The following BSPRY variants were observed in gnomAD, a reference collection of about 807,000 sequenced individuals.
BSPRY encodes B-box and SPRY domain containing.
Under a neutral mutation model 38.0 loss-of-function variants are expected in BSPRY, and 33 were observed. The ratio of observed to expected loss-of-function variants is 0.87; its 90% CI spans 0.66 to 1.16. The LOEUF is 1.16. Among genes scored for constraint, BSPRY ranks in the 50% most tolerant of loss-of-function variants. The probability of loss-of-function intolerance (pLI) is 0.00; values close to 1 mark genes in which losing one functional copy is unlikely to be tolerated. For missense variants in BSPRY, 523 were observed against 533.2 expected, an observed-to-expected ratio of 0.98 and a Z score of 0.19; for synonymous variants, 224 against 228.5, an observed-to-expected ratio of 0.98 and a Z score of 0.18.
In BSPRY at chr9:113,360,731, G is replaced by A. The variant is rs746643209; in HGVS notation, c.525G>A (p.Gln175=). 8 of 1,584,076 alleles carry A rather than the reference G, an allele frequency of 5.1e-6. No homozygotes were observed. The African/African-American group carries it at 9.4e-5, about 19-fold the overall frequency. Residue 175 remains glutamine, a synonymous_variant, in exon 3 of 6, where the codon CAG becomes CAA. Transcript: ENST00000374183. The stretch of plus-strand genomic sequence containing the variant: ...TGCTTACTCACCTGGATGACCTCCA[G>A]CTGATTGTAAGTCAGGCAAGGGTGA... ...VGMLTHLDDL[Q]LIQKEQEIFE... is the part of the protein sequence containing the mutation.
chr9:113,357,223 G>T (rs1834075369), intron 2 of BSPRY, among the ~76,000 whole-genome samples: 1 of 152,282 alleles, frequency 6.6e-6, no homozygotes, highest in Non-Finnish European at 1.5e-5. Flanking sequence ...GGAGGTGGGA[G>T]AGATCACTGC....
chr9:113,355,389 T>G (rs1834041320), intron 2 of BSPRY, among the ~76,000 whole-genome samples: 1 of 152,150 alleles, frequency 6.6e-6, no homozygotes, highest in African/African-American at 2.4e-5. Context: ...GACAGGACAC[T>G]AGGGGTCCTC....
chr9:113,357,912 A>G (rs1463074836), intron 2 of BSPRY, among the ~76,000 whole-genome samples: 5,950 of 29,400 alleles, frequency 0.2, 875 homozygotes, highest in African/African-American at 0.43. Context: ...ATATATATAT[A>G]TATATATATA....
In BSPRY at chr9:113,349,741, C is replaced by A; in HGVS notation, c.162C>A (p.His54Gln). 15 of 1,238,582 alleles carry A rather than the reference C, an allele frequency of 1.2e-5. No homozygotes were observed. The highest frequency in any genetic ancestry group is 1.5e-5 in the Non-Finnish European group (15 of 992,918). The allele number at this position is 1,238,582 out of a possible 1,614,324, so 76.7% of individuals were successfully genotyped here. A position where few individuals can be genotyped will look rare whatever the true frequency, so the allele number is the denominator to read the frequency against. The change falls in exon 1 of 6, where the codon CAC becomes CAA. Residue 54 changes from histidine to glutamine, a missense_variant. Transcript: ENST00000374183. Reference protein sequence around the residue: ...CAGLGGRCRGHRIRRAEERAE... With the variant: ...CAGLGGRCRGQRIRRAEERAE... ...GGTTGGGCGGTCGCTGCCGGGGGCA[C>A]CGCATCCGCCGGGCGGAGGAGCGCG...
In BSPRY at chr9:113,368,270, C is replaced by T; in HGVS notation, c.569C>T (p.Ala190Val). Reference protein sequence around the residue: ...EQEIFERTEEAEGILDPQESE... With the variant: ...EQEIFERTEEVEGILDPQESE... ...TTTCCCCATATAAGGACCGAAGAAG[C>T]AGAGGGCATTTTGGATCCCCAGGAG... Residue 190 changes from alanine (A) to valine (V), a missense_variant, in exon 5 of 6, where the codon GCA (alanine) becomes GTA (valine). Coordinates refer to ENST00000374183, the MANE Select transcript of BSPRY (RefSeq NM_017688.3). The T allele has an allele frequency of 6.2e-7, 1 of 1,614,096 alleles. No homozygotes were observed.
chr9:113,362,822 T>C (rs954181991), intron 4 of BSPRY, among the ~76,000 whole-genome samples: 2 of 152,230 alleles, frequency 1.3e-5, no homozygotes, highest in Non-Finnish European at 2.9e-5. Flanking sequence ...TGGAGGAATC[T>C]TTGAAACTTA....
At chr9:113,350,696 G>A (rs1413475930) in intron 1 of BSPRY, among the ~76,000 whole-genome samples, 1 of 152,142 alleles carries the variant, frequency 6.6e-6, no homozygotes, top group African/African-American at 2.4e-5. Flanking sequence ...TACCCAGAGT[G>A]ACCTGTAATA....
rs1336474664 is a variant in BSPRY, at chr9:113,354,272, G to C, written c.234G>C (p.Gln78His). The C allele has an allele frequency of 6.2e-7, 1 of 1,614,202 alleles. No individual in the cohort carries two copies. Among genetic ancestry groups the C allele is most frequent in the African/African-American group, 1.3e-5 (1 of 75,046 alleles). The change falls in exon 2 of 6, where the codon CAG (glutamine) becomes CAC (histidine). Residue 78 changes from glutamine (Q) to histidine (H), a missense_variant. Transcript: ENST00000374183. Reference sequence around the variant, plus strand: ...TTGTGGACCAGTGTGAGAGGCTGCAGTTACAGAGTGCTGCCATCACCAAGT... The same window carrying C: ...TTGTGGACCAGTGTGAGAGGCTGCACTTACAGAGTGCTGCCATCACCAAGT... ...NKIVDQCERL[Q>H]LQSAAITKYV...
chr9:113,362,519 T>C lies in BSPRY; in HGVS notation c.557+125T>C, dbSNP rs1012765635. ...AGGGTGTGCAGCTGAGTGGCTTTTC[T>C]GGAGCCTGGCTCTGTGGACAGGGAA... is the stretch of plus-strand genomic sequence containing the variant. On this transcript the variant is annotated intron_variant, in intron 4 of 5. Coordinates refer to ENST00000374183, the MANE Select transcript of BSPRY (RefSeq NM_017688.3). 4 of 998,734 alleles carry C rather than the reference T, an allele frequency of 4.0e-6. No individual in the cohort carries two copies. The African/African-American group carries it at 4.8e-5, about 12-fold the overall frequency. 61.9% of individuals were successfully genotyped at this position (998,734 alleles called of 1,614,324 possible). A position where few individuals can be genotyped will look rare whatever the true frequency, so the allele number is the denominator to read the frequency against.
chr9:113,352,106 C>T (rs1319933356), intron 1 of BSPRY, among the ~76,000 whole-genome samples: 7 of 152,270 alleles, frequency 4.6e-5, no homozygotes, highest in Admixed American at 2.0e-4. Flanking sequence ...CCACCGTGCC[C>T]GGCCAGCTTT....
chr9:113,358,018 C>A (rs1821386992), intron 2 of BSPRY, among the ~76,000 whole-genome samples: 1 of 146,662 alleles, frequency 6.8e-6, no homozygotes, highest in African/African-American at 2.5e-5. Flanking sequence ...AGGCCAAGGC[C>A]AGGAGGATCA....
Position 113,370,069 on chromosome 9 carries a change from A to C in BSPRY, c.1136A>C (p.His379Pro). ...EPASGTVLCA[H>P]HVSFPGPLFP... ...GCCTCCGGCACAGTGCTCTGTGCCCATCATGTGTCCTTCCCGGGGCCCCTC... is the reference window on the plus strand; with the variant it reads ...GCCTCCGGCACAGTGCTCTGTGCCCCTCATGTGTCCTTCCCGGGGCCCCTC... Residue 379 changes from histidine (H) to proline (P), a missense_variant, in exon 6 of 6, where the codon CAT becomes CCT. Transcript: ENST00000374183. This position sits in a 1 kb window ranked among gnomAD's most constrained non-coding sequence, Gnocchi z 4.8. The C allele has an allele frequency of 6.2e-7, 1 of 1,612,940 alleles. No individual in the cohort carries two copies. The highest frequency in any genetic ancestry group is 8.5e-7 in the Non-Finnish European group (1 of 1,179,524).
At chr9:113,368,162 A>C in intron 4 of BSPRY, 97 bp from the exon 5 acceptor site, 7 of 1,474,508 alleles carry the variant, frequency 4.7e-6, no homozygotes, top group Non-Finnish European at 6.5e-6. Flanking sequence ...ATCGCCTGAT[A>C]GGAGATTTTA....
chr9:113,352,412 G>T (rs762663072), intron 1 of BSPRY, among the ~76,000 whole-genome samples: 2 of 151,982 alleles, frequency 1.3e-5, no homozygotes, highest in African/African-American at 4.8e-5. Flanking sequence ...TAAGAGATTG[G>T]GTGAGGAGGG....
chr9:113,359,994 C>A (rs761808825), intron 2 of BSPRY, among the ~76,000 whole-genome samples: 3 of 152,180 alleles, frequency 2.0e-5, no homozygotes, highest in African/African-American at 2.4e-5. Context: ...TGATTTCAGG[C>A]CTCTTCTGTG....
At chr9:113,366,423 G>C (rs1429951831) in intron 4 of BSPRY, among the ~76,000 whole-genome samples, 1 of 152,200 alleles carries the variant, frequency 6.6e-6, no homozygotes, top group Non-Finnish European at 1.5e-5. Flanking sequence ...GAAGTGCCTT[G>C]TTGGCTCTGG....
chr9:113,367,462 CATTTTT>C (rs1834270136), intron 4 of BSPRY, among the ~76,000 whole-genome samples: 1 of 152,132 alleles, frequency 6.6e-6, no homozygotes. Flanking sequence ...CAGGTGTTTG[CATTTTT>C]AAAGTAGAGG....
intron 1 of BSPRY, among the ~76,000 whole-genome samples, chr9:113,351,595 A>G (rs1188687272): frequency 6.6e-5 from 10 of 152,284 alleles, no homozygotes; most frequent in African/African-American, 1.9e-4. Flanking sequence ...TGGAAGAGGT[A>G]GCTAAGTTGC....
intron 4 of BSPRY, among the ~76,000 whole-genome samples, chr9:113,363,993 A>T (rs1463424116): frequency 6.6e-6 from 1 of 150,886 alleles, no homozygotes; most frequent in Admixed American, 6.6e-5. Flanking sequence ...GTTCACAACC[A>T]GCCTGGCCAA....
Sources: allele counts gnomAD v4.1 joint callset (sites outside exome capture counted in the v4.1 genomes callset), GRCh38; gene constraint gnomAD v4.1.1; non-coding constraint Gnocchi (gnomAD v3.1); transcripts MANE v1.5; gene names NCBI Gene and HGNC (gene_info 2026-07-23, HGNC 2026-07-21).